RBFOX1: variants seen among roughly 807,000 people sequenced by gnomAD.
The protein encoded by RBFOX1 is RNA binding fox-1 homolog 1, also known as RNA binding protein fox-1 homolog 1.
Under a neutral mutation model 57.7 loss-of-function variants are expected in RBFOX1, and 8 were observed. The observed-to-expected ratio is 0.14, with a 90% CI of 0.08 to 0.25. The LOEUF is 0.25. RBFOX1 is among the 10% of genes least tolerant of loss of function. The pLI is 1.00. For missense variants in RBFOX1, 611 were observed against 548.5 expected (o/e 1.11, Z -1.14); for synonymous variants, 326 against 222.4 (o/e 1.47, Z -4.15).
intron 1 of RBFOX1, among the ~76,000 whole-genome samples, chr16:6,281,975 G>A (rs1472613152): frequency 6.6e-6 from 1 of 152,108 alleles, no homozygotes; most frequent in Non-Finnish European, 1.5e-5. Context: ...AGACAGAAAC[G>A]GGTGAGCGTT....
intron 2 of RBFOX1, among the ~76,000 whole-genome samples, chr16:6,362,632 C>T (rs962782145): frequency 6.6e-6 from 1 of 152,158 alleles, no homozygotes; most frequent in Non-Finnish European, 1.5e-5. Flanking sequence ...TGGATGGCTT[C>T]ATAGACTGAT....
intron 1 of RBFOX1, among the ~76,000 whole-genome samples, chr16:6,100,967 C>T (rs1333575281): frequency 1.3e-5 from 2 of 152,044 alleles, no homozygotes; most frequent in Admixed American, 6.6e-5. Context: ...TTTTCCGTCT[C>T]GAAATTGTCA....
chr16:6,785,348 C>A (rs981797187), intron 3 of RBFOX1, among the ~76,000 whole-genome samples: 2 of 152,142 alleles, frequency 1.3e-5, no homozygotes, highest in Non-Finnish European at 2.9e-5. Context: ...GCAAATTTCC[C>A]AGTTGCCCTG....
chr16:5,724,068 G>A (rs1400395343), intron 3 of RBFOX1, among the ~76,000 whole-genome samples: 1 of 152,192 alleles, frequency 6.6e-6, no homozygotes, highest in East Asian at 1.9e-4. Flanking sequence ...CGTGCAGACT[G>A]CTCACCACTT....
chr16:7,217,286 A>ATTC (rs1401396838), intron 4 of RBFOX1, among the ~76,000 whole-genome samples: 2,570 of 76,852 alleles, frequency 0.033, 125 homozygotes, highest in African/African-American at 0.12. Flanking sequence ...TTTTTTTCTT[A>ATTC]TTCTTCTTTT....
At chr16:6,572,523 C>T (rs2097358734) in intron 2 of RBFOX1, among the ~76,000 whole-genome samples, 1 of 152,050 alleles carries the variant, frequency 6.6e-6, no homozygotes, top group African/African-American at 2.4e-5. Flanking sequence ...TAGCGTGAAC[C>T]GTAGCATAGC....
At chr16:7,555,129 A>G (rs949032989) in intron 5 of RBFOX1, among the ~76,000 whole-genome samples, 9 of 152,196 alleles carry the variant, frequency 5.9e-5, no homozygotes, top group African/African-American at 1.4e-4. Context: ...TTAAATTACA[A>G]TGCATCTCCC....
chr16:6,323,933 C>T (rs1487366435), intron 2 of RBFOX1, among the ~76,000 whole-genome samples: 1 of 152,068 alleles, frequency 6.6e-6, no homozygotes, highest in Non-Finnish European at 1.5e-5. Flanking sequence ...CCATCATGCT[C>T]AGCTAGTGTT....
intron 1 of RBFOX1, among the ~76,000 whole-genome samples, chr16:5,362,457 G>A (rs1286584738): frequency 6.6e-6 from 1 of 152,212 alleles, no homozygotes. Context: ...CTGCCTCCTG[G>A]GTTCAAGCGA....
intron 3 of RBFOX1, among the ~76,000 whole-genome samples, chr16:5,724,695 G>A (rs1248279535): frequency 6.6e-6 from 1 of 152,134 alleles, no homozygotes; most frequent in Non-Finnish European, 1.5e-5. Flanking sequence ...ATCACACAGA[G>A]AGCCCAGATG....
At chr16:6,519,408 A>T (rs2096456719) in intron 2 of RBFOX1, among the ~76,000 whole-genome samples, 2 of 152,170 alleles carry the variant, frequency 1.3e-5, no homozygotes. Context: ...TTCATTTCTG[A>T]TGGAAACTGT....
intron 2 of RBFOX1, among the ~76,000 whole-genome samples, chr16:5,475,009 G>T (rs1448845203): frequency 1.3e-5 from 2 of 152,100 alleles, no homozygotes; most frequent in African/African-American, 4.8e-5. Flanking sequence ...CTTTGGTTCC[G>T]ATGGGTAGGC....
intron 11 of RBFOX1, among the ~76,000 whole-genome samples, chr16:7,644,675 G>A (rs889056933): frequency 1.3e-5 from 2 of 152,226 alleles, no homozygotes; most frequent in Non-Finnish European, 2.9e-5. Flanking sequence ...CTAGATGTTG[G>A]AGACACAGTA....
intron 3 of RBFOX1, among the ~76,000 whole-genome samples, chr16:6,932,606 C>A (rs756846302): frequency 1.3e-5 from 2 of 152,184 alleles, no homozygotes; most frequent in Non-Finnish European, 2.9e-5. Context: ...TCCCACGGGC[C>A]TGTCCACAGG....
intron 3 of RBFOX1, among the ~76,000 whole-genome samples, chr16:6,686,140 C>T (rs2154127669): frequency 1.3e-5 from 2 of 152,302 alleles, no homozygotes; most frequent in Admixed American, 1.3e-4. Flanking sequence ...ATTTCTTCTA[C>T]ATATTAAGCA....
intron 1 of RBFOX1, among the ~76,000 whole-genome samples, chr16:6,204,466 A>G (rs976045068): frequency 3.3e-5 from 5 of 152,298 alleles, no homozygotes; most frequent in African/African-American, 1.2e-4. Flanking sequence ...GAGAAAATTG[A>G]TTAAATAAAA....
chr16:6,948,398 T>TTC (rs2080002286), intron 3 of RBFOX1, among the ~76,000 whole-genome samples: 8 of 140,746 alleles, frequency 5.7e-5, no homozygotes, highest in African/African-American at 2.2e-4. Flanking sequence ...TTTTTTTTTT[T>TTC]TTTTTTGAGG....
intron 3 of RBFOX1, among the ~76,000 whole-genome samples, chr16:6,793,877 TA>T (rs1461753880): frequency 6.6e-6 from 1 of 152,110 alleles, no homozygotes; most frequent in Non-Finnish European, 1.5e-5. Context: ...TGAGTTTTTT[TA>T]AAAAGGTTAT....
intron 4 of RBFOX1, among the ~76,000 whole-genome samples, chr16:7,205,655 C>G (rs2089804269): frequency 6.6e-6 from 1 of 152,214 alleles, no homozygotes; most frequent in Non-Finnish European, 1.5e-5. Context: ...AACCAAAATT[C>G]CATGCCTTCT....
Sources: allele counts gnomAD v4.1 joint callset (sites outside exome capture counted in the v4.1 genomes callset), GRCh38; gene constraint gnomAD v4.1.1; transcripts MANE v1.5; gene names NCBI Gene and HGNC (gene_info 2026-07-23, HGNC 2026-07-21).